Variants in TMED3 observed in about 807,000 individuals in gnomAD.
TMED3 encodes the protein transmembrane p24 trafficking protein 3.
TMED3 carries 9 observed loss-of-function variants against 15.0 expected under a neutral mutation model. The ratio of observed to expected loss-of-function variants is 0.60; its 90% CI spans 0.36 to 1.04. The LOEUF (loss-of-function observed/expected upper bound fraction) is 1.04. TMED3 is among the 50% of genes least tolerant of loss of function. The pLI, the probability that TMED3 is intolerant of heterozygous loss-of-function variation, is 0.01. For synonymous variants in TMED3, 117 were observed against 121.4 expected (o/e 0.96, Z 0.24); for missense variants, 267 against 278.9 (o/e 0.96, Z 0.30).
chr15:79,381,569 A>T (rs191728017), intron 2 of TMED3, among the ~76,000 whole-genome samples: 1 of 152,344 alleles, frequency 6.6e-6, no homozygotes, highest in African/African-American at 2.4e-5. Context: ...GCTAAATGTC[A>T]CAGAGGTTTG....
chr15:79,323,885 G>A (rs2058777677), downstream of TMED3, among the ~76,000 whole-genome samples: 1 of 152,210 alleles, frequency 6.6e-6, no homozygotes, highest in Non-Finnish European at 1.5e-5. Context: ...TGCCCCACTG[G>A]CTGATTTAGG....
chr15:79,395,043 TTCTC>T (rs920578890), intron 2 of TMED3, among the ~76,000 whole-genome samples: 3 of 152,084 alleles, frequency 2.0e-5, no homozygotes, highest in African/African-American at 4.8e-5. Flanking sequence ...TTGGACTTAT[TTCTC>T]TCTATCTTTT....
chr15:79,382,873 T>A, intron 2 of TMED3: 1 of 1,167,328 alleles, frequency 8.6e-7, no homozygotes, highest in South Asian at 1.3e-5. Context: ...TTCATGGGTA[T>A]CTCATACTAT....
At chr15:79,336,395 T>A (rs1299679939) in intron 2 of TMED3, among the ~76,000 whole-genome samples, 1 of 152,166 alleles carries the variant, frequency 6.6e-6, no homozygotes, top group Admixed American at 6.5e-5. Flanking sequence ...CAGTGGCTCA[T>A]GCCTGTAATC....
intron 2 of TMED3, among the ~76,000 whole-genome samples, chr15:79,382,171 A>G (rs1254112860): frequency 1.3e-5 from 2 of 152,188 alleles, no homozygotes. Flanking sequence ...AGCAACATGA[A>G]TGGCAGGCCT....
intron 2 of TMED3, among the ~76,000 whole-genome samples, chr15:79,375,660 C>A (rs966016355): frequency 3.0e-4 from 45 of 151,982 alleles, no homozygotes; most frequent in Admixed American, 9.8e-4. Context: ...TTTAAATGAC[C>A]AGATCTTGCA....
chr15:79,397,848 G>C (rs1340211605), intron 2 of TMED3, among the ~76,000 whole-genome samples: 1 of 152,106 alleles, frequency 6.6e-6, no homozygotes, highest in Non-Finnish European at 1.5e-5. Flanking sequence ...AGCAGTTTTA[G>C]GTTCATGGCA....
At chr15:79,329,643 A>G (rs7183149) in intron 2 of TMED3, among the ~76,000 whole-genome samples, 27,453 of 152,262 alleles carry the variant, frequency 0.18, 2,469 homozygotes, top group Admixed American at 0.24. Context: ...TGTGGGAGCC[A>G]CAGGAGCCGC....
At chr15:79,356,050 A>G (rs1047159228) in intron 2 of TMED3, among the ~76,000 whole-genome samples, 1 of 151,846 alleles carries the variant, frequency 6.6e-6, no homozygotes, top group Non-Finnish European at 1.5e-5. Flanking sequence ...AGTTGGGGGA[A>G]CTGAGCTTAA....
chr15:79,330,074 G>A (rs1442661522), intron 2 of TMED3, among the ~76,000 whole-genome samples: 1 of 152,114 alleles, frequency 6.6e-6, no homozygotes, highest in Non-Finnish European at 1.5e-5. Context: ...AACAGCTAAG[G>A]TTTAACTAAC....
chr15:79,377,610 A>T (rs1049069153), intron 2 of TMED3, among the ~76,000 whole-genome samples: 1 of 151,192 alleles, frequency 6.6e-6, no homozygotes, highest in African/African-American at 2.4e-5. Context: ...AAGGCAAACG[A>T]TCATCTTTAA....
chr15:79,387,927 C>T (rs995524613), intron 2 of TMED3, among the ~76,000 whole-genome samples: 4 of 152,092 alleles, frequency 2.6e-5, no homozygotes, highest in Non-Finnish European at 5.9e-5. Flanking sequence ...ATTTTGTTTT[C>T]TGACAATTTT....
chr15:79,373,054 T>C (rs118140679), intron 2 of TMED3, among the ~76,000 whole-genome samples: 3,969 of 152,326 alleles, frequency 0.026, 84 homozygotes, highest in Non-Finnish European at 0.037. Flanking sequence ...TAAGTAGAGA[T>C]AGAAGAGAAT....
chr15:79,398,930 A>C (rs1367872114), intron 2 of TMED3, among the ~76,000 whole-genome samples: 1 of 152,164 alleles, frequency 6.6e-6, no homozygotes, highest in Non-Finnish European at 1.5e-5. Flanking sequence ...TTGTTTTTTG[A>C]GACAGAGTCT....
At chr15:79,318,947 A>G (rs774809796) in intron 2 of TMED3, among the ~76,000 whole-genome samples, 13 of 152,170 alleles carry the variant, frequency 8.5e-5, no homozygotes, top group Admixed American at 2.0e-4. Context: ...TCAATATCAA[A>G]TGTCTGCAGG....
chr15:79,379,678 T>A (rs138520042), intron 2 of TMED3, among the ~76,000 whole-genome samples: 6 of 152,330 alleles, frequency 3.9e-5, no homozygotes, highest in African/African-American at 1.2e-4. Flanking sequence ...GCTAGCTTTT[T>A]GAAATAATTA....
intron 2 of TMED3, chr15:79,384,067 T>G (rs1031190073): frequency 2.6e-5 from 4 of 152,200 alleles, no homozygotes; most frequent in Non-Finnish European, 5.9e-5. Context: ...AATTCAGTGT[T>G]CCTATGGAGA....
chr15:79,394,362 C>G (rs560271300), intron 2 of TMED3, among the ~76,000 whole-genome samples: 1 of 152,292 alleles, frequency 6.6e-6, no homozygotes, highest in African/African-American at 2.4e-5. Context: ...CGACAAGTTT[C>G]TTTTGGCTCT....
In TMED3 at chr15:79,313,927, C is replaced by G. The variant is rs760976711; in HGVS notation, c.339C>G (p.Thr113=). 2.5e-6 allele frequency: 4 copies of G among 1,614,196 alleles called. No individual in the cohort carries two copies. The highest frequency in any genetic ancestry group is 2.2e-5 in the East Asian group (1 of 44,896). The change falls in exon 2 of 3, where the codon ACC becomes ACG. Residue 113 remains threonine (T), a synonymous_variant. Coordinates refer to ENST00000299705, the MANE Select transcript of TMED3 (RefSeq NM_007364.4). ...AGTTTTCCACCTTCTCTCACAAGAC[C>G]GTCTACTTTGACTTTCAAGTGGGCG... is the stretch of plus-strand genomic sequence containing the variant. The part of the protein sequence containing the change: ...SNEFSTFSHK[T]VYFDFQVGDE...
Sources: gnomAD v4.1 joint callset for allele counts (sites outside exome capture counted in the v4.1 genomes callset) on GRCh38, gnomAD v4.1.1 for gene constraint, MANE v1.5 for transcripts, NCBI Gene and HGNC (gene_info 2026-07-23, HGNC 2026-07-21) for gene names.